The following PPARGC1B variants were observed in gnomAD, a reference collection of about 807,000 sequenced individuals.
PPARGC1B encodes the protein peroxisome proliferator-activated receptor gamma coactivator 1-beta.
A neutral mutation model predicts 101.6 loss-of-function variants in PPARGC1B; 34 were observed. That is an observed-to-expected ratio of 0.33 (90% confidence interval 0.25 to 0.45). The LOEUF (loss-of-function observed/expected upper bound fraction) is 0.45. Ranked by LOEUF, PPARGC1B falls within the 20% of genes least tolerant of loss-of-function variation. The pLI is 1.00. For synonymous variants in PPARGC1B, 548 were observed against 539.3 expected, an observed-to-expected ratio of 1.02 and a Z score of -0.22; for missense variants, 1,234 against 1,317.6, an observed-to-expected ratio of 0.94 and a Z score of 0.98.
At chr5:149,843,318 T>G (rs1384789186) in intron 10 of PPARGC1B, among the ~76,000 whole-genome samples, 1 of 152,236 alleles carries the variant, frequency 6.6e-6, no homozygotes, top group African/African-American at 2.4e-5. Flanking sequence ...TTTTGAAATC[T>G]TTCTAAATTA....
intron 1 of PPARGC1B, among the ~76,000 whole-genome samples, chr5:149,789,486 ATG>A (rs1561541518): frequency 2.0e-5 from 3 of 152,232 alleles, no homozygotes; most frequent in African/African-American, 7.2e-5. Context: ...GAAATAATAA[ATG>A]TGAAATCATT....
chr5:149,732,675 G>T, intron 1 of PPARGC1B: 1 of 384,278 alleles, frequency 2.6e-6, no homozygotes, highest in Non-Finnish European at 5.3e-6. Context: ...GATGAGCTTT[G>T]AGCCGCCCCT....
At chr5:149,794,653 C>A (rs1316595450) in intron 1 of PPARGC1B, among the ~76,000 whole-genome samples, 9 of 152,176 alleles carry the variant, frequency 5.9e-5, no homozygotes, top group Non-Finnish European at 2.9e-5. Context: ...GCCTTTGAGG[C>A]AGGAGAAGGG....
rs114006018 is a variant in PPARGC1B at position 149,794,287 on chromosome 5, C to G, written c.79-26146C>G. Among the ~76,000 whole-genome samples, 649 of 152,236 alleles carry G rather than the reference C, an allele frequency of 4.3e-3. 7 individuals are homozygous for G. Among genetic ancestry groups the G allele is most frequent in the African/African-American group, 0.014 (572 of 41,540 alleles). ...GTGCTTTTAATGAATGGTAAGATTT[C>G]AGATTGTCTGGATTTCATAAAATTA... On this transcript the variant is annotated intron_variant, in intron 1 of 11. Coordinates refer to ENST00000309241, the MANE Select transcript of PPARGC1B (RefSeq NM_133263.4).
intron 1 of PPARGC1B, among the ~76,000 whole-genome samples, chr5:149,785,830 A>T (rs1299791062): frequency 6.6e-6 from 1 of 152,068 alleles, no homozygotes; most frequent in Non-Finnish European, 1.5e-5. Context: ...CTCCCCAACA[A>T]CTATGAGGTA....
At chr5:149,735,654 G>T (rs1311277422) in intron 1 of PPARGC1B, among the ~76,000 whole-genome samples, 1 of 152,176 alleles carries the variant, frequency 6.6e-6, no homozygotes, top group Non-Finnish European at 1.5e-5. Context: ...CAGTTTCAGA[G>T]AACTCACTGA....
intron 1 of PPARGC1B, among the ~76,000 whole-genome samples, chr5:149,754,255 C>T (rs973959387): frequency 1.5e-4 from 23 of 152,214 alleles, no homozygotes; most frequent in Admixed American, 7.8e-4. Context: ...CTTTCTGATT[C>T]GTGTGTTGAG....
chr5:149,771,666 C>T (rs1756136071), intron 1 of PPARGC1B, among the ~76,000 whole-genome samples: 1 of 152,214 alleles, frequency 6.6e-6, no homozygotes, highest in African/African-American at 2.4e-5. Flanking sequence ...ATTTTCTTTT[C>T]CTCTGCCAGT....
At chr5:149,736,302 A>C (rs1754707609) in intron 1 of PPARGC1B, among the ~76,000 whole-genome samples, 1 of 152,126 alleles carries the variant, frequency 6.6e-6, no homozygotes, top group East Asian at 1.9e-4. Context: ...AGTTGGAATA[A>C]TTCTCTCTTT....
In PPARGC1B at chr5:149,833,128, T is replaced by C. The variant is rs1419269804; in HGVS notation, c.1055T>C (p.Leu352Pro). Residue 352 changes from leucine (L) to proline (P), a missense_variant, in exon 5 of 12, where the codon CTC (leucine) becomes CCC (proline). Physicochemically the swap from Leu to Pro is moderately conservative, Grantham distance 98. Around this residue, in one of 3 missense-constraint regions of PPARGC1B, gnomAD observed 734 missense variants for 768.4 expected, o/e 0.96. Coordinates refer to ENST00000309241, the MANE Select transcript of PPARGC1B (RefSeq NM_133263.4). The surrounding 1 kb of genome is among the most constrained non-coding windows in gnomAD (Gnocchi z 4.1). ...ILRELLAQDV[L>P]CDVSKPYRLA... is the part of the protein sequence containing the mutation. ...AGGGAACTTCTGGCTCAAGACGTGC[T>C]CTGTGATGTCAGCAAACCCTACCGT... The C allele has an allele frequency of 6.2e-7, 1 of 1,613,664 alleles. No homozygotes were observed. Among genetic ancestry groups the C allele is most frequent in the Non-Finnish European group, 8.5e-7 (1 of 1,180,044 alleles).
Position 149,837,111 on chromosome 5 carries a change from G to A in PPARGC1B, c.2618+38G>A. 7.1e-6 allele frequency: 11 copies of A among 1,550,760 alleles called. No individual in the cohort carries two copies. The highest frequency in any genetic ancestry group is 1.4e-5 in the African/African-American group (1 of 72,972). Reference sequence around the variant, plus strand: ...GGCTGCAGGAGAGGCAGCGGGCAGTGGAGGATCCCAGTTCCCGGGGAGCCA... The same window carrying A: ...GGCTGCAGGAGAGGCAGCGGGCAGTAGAGGATCCCAGTTCCCGGGGAGCCA... On this transcript the variant is annotated intron_variant, in intron 8 of 11. Coordinates refer to ENST00000309241, the MANE Select transcript of PPARGC1B (RefSeq NM_133263.4). This position sits in a 1 kb window ranked among gnomAD's most constrained non-coding sequence, Gnocchi z 4.2.
In PPARGC1B at chr5:149,758,622, G is replaced by A. The variant is rs182068880; in HGVS notation, c.78+28202G>A. 5.1e-4 allele frequency among the ~76,000 whole-genome samples: 77 copies of A among 152,320 alleles called. 1 individual carries two copies. Among genetic ancestry groups the A allele is most frequent in the East Asian group, 1.5e-3 (8 of 5,184 alleles). On this transcript the variant is annotated intron_variant, in intron 1 of 11. Transcript: ENST00000309241. ...GCAGGTGCCATCTTTTGGGAACAGG[G>A]TGTGGACAGGTACAACACATGCCCC...
intron 1 of PPARGC1B, among the ~76,000 whole-genome samples, chr5:149,762,189 C>T (rs78073307): frequency 2.0e-5 from 3 of 147,920 alleles, no homozygotes; most frequent in Non-Finnish European, 4.4e-5. Flanking sequence ...GAGTCTGTCT[C>T]CTGGGCAGGA....
In PPARGC1B at chr5:149,833,416, A is replaced by G. The variant is rs746216205; in HGVS notation, c.1343A>G (p.Glu448Gly). The change falls in exon 5 of 12, where the codon GAG becomes GGG. Residue 448 changes from glutamate to glycine, a missense_variant. Glu to Gly is a moderately conservative substitution (Grantham distance 98, BLOSUM62 -2). Around this residue, in one of 3 missense-constraint regions of PPARGC1B, gnomAD observed 734 missense variants for 768.4 expected, o/e 0.96. Transcript: ENST00000309241. The surrounding 1 kb of genome is among the most constrained non-coding windows in gnomAD (Gnocchi z 4.1). Reference protein sequence around the residue: ...EEEEEEEKEEEEEWGRKRPGR... With the variant: ...EEEEEEEKEEGEEWGRKRPGR... ...GAAGAGGAAGAAGAAAAAGAGGAGG[A>G]GGAGGAGTGGGGCAGGAAAAGGCCA... The G allele has an allele frequency of 3.8e-6, 6 of 1,596,466 alleles. No individual in the cohort carries two copies. Among genetic ancestry groups the G allele is most frequent in the Middle Eastern group, 1.7e-4 (1 of 5,756 alleles).
chr5:149,805,486 C>T (rs1349783085), intron 1 of PPARGC1B, among the ~76,000 whole-genome samples: 1 of 152,208 alleles, frequency 6.6e-6, no homozygotes, highest in East Asian at 1.9e-4. Flanking sequence ...GTCCCCCAGG[C>T]TGGAGTGCAG....
rs11371560 is a variant in PPARGC1B at position 149,799,693 on chromosome 5, GTTTT to G, written c.79-20722_79-20719del. 1.7e-4 allele frequency among the ~76,000 whole-genome samples: 13 copies of G among 76,462 alleles called. 1 individual carries two copies. In the East Asian group the frequency reaches 2.9e-3, roughly 17 times the overall value. The allele number at this position is 76,462 out of a possible 152,430, so 50.2% of individuals were successfully genotyped here. On this transcript the variant is annotated intron_variant, in intron 1 of 11. Coordinates refer to ENST00000309241, the MANE Select transcript of PPARGC1B (RefSeq NM_133263.4). ...TTTGTTTGTTTGTTTGCTTGTTGTT[GTTTT>G]TTTTTTTTTTTTTTTTTGAGACGAA...
intron 4 of PPARGC1B, among the ~76,000 whole-genome samples, chr5:149,831,914 G>A (rs1235775918): frequency 6.6e-6 from 1 of 152,192 alleles, no homozygotes; most frequent in South Asian, 2.1e-4. Context: ...TTATTGAAGT[G>A]CAATTTACAT....
intron 1 of PPARGC1B, among the ~76,000 whole-genome samples, chr5:149,779,583 A>G (rs941674266): frequency 1.8e-4 from 27 of 152,232 alleles, no homozygotes; most frequent in African/African-American, 4.8e-4. Flanking sequence ...CAAATCAGAT[A>G]AAAAGCAACA....
chr5:149,763,774 C>G (rs1335921548), intron 1 of PPARGC1B, among the ~76,000 whole-genome samples: 4 of 152,094 alleles, frequency 2.6e-5, no homozygotes, highest in Non-Finnish European at 5.9e-5. Flanking sequence ...CAAGTCATTT[C>G]TCTGCCTTTT....
Sources: allele counts gnomAD v4.1 joint callset (sites outside exome capture counted in the v4.1 genomes callset), GRCh38; gene constraint gnomAD v4.1.1; regional missense constraint gnomAD v4.1.1; non-coding constraint Gnocchi (gnomAD v3.1); transcripts MANE v1.5; gene names NCBI Gene and HGNC (gene_info 2026-07-23, HGNC 2026-07-21).